Variants in UBR4 observed in about 807,000 individuals in gnomAD.
The protein encoded by UBR4 is ubiquitin protein ligase E3 component n-recognin 4.
A neutral mutation model predicts 575.6 loss-of-function variants in UBR4; 124 were observed. That is an observed-to-expected ratio of 0.22 (90% confidence interval 0.19 to 0.25). The LOEUF (loss-of-function observed/expected upper bound fraction) is 0.25, where lower values mean the gene tolerates loss of function less well. Ranked by LOEUF, UBR4 falls within the 10% of genes least tolerant of loss-of-function variation. UBR4 has a pLI of 1.00. For synonymous variants in UBR4, 2,455 were observed against 2,473.7 expected (o/e 0.99, Z 0.22); for missense variants, 4,818 against 6,478.8 (o/e 0.74, Z 8.80).
chr1:19,086,041 A>T, intron 101 of UBR4, 104 bp downstream of exon 101: 1 of 1,458,308 alleles, frequency 6.9e-7, no homozygotes, highest in Non-Finnish European at 9.2e-7. Flanking sequence ...TTCCCAAGGA[A>T]GGTAACAGGA....
chr1:19,149,641 G>A (rs1239341202), intron 49 of UBR4: 2 of 912,416 alleles, frequency 2.2e-6, no homozygotes, highest in Admixed American at 3.4e-5. Flanking sequence ...GCAATGACCA[G>A]AACAGAAAGA....
Position 19,119,585 on chromosome 1 carries a change from G to T in UBR4, c.10427C>A (p.Ser3476Tyr), listed in dbSNP as rs757594577. Residue 3476 changes from serine to tyrosine, a missense_variant, in exon 70 of 106, where the codon TCC (serine) becomes TAC (tyrosine). By Grantham distance (144) the Ser-to-Tyr change is moderately radical. Around this residue, in one of 29 missense-constraint regions of UBR4, gnomAD observed 550 missense variants for 791.5 expected, o/e 0.69. Coordinates refer to ENST00000375254, the MANE Select transcript of UBR4 (RefSeq NM_020765.3). ...AQFVDLLGYFSLKTPQTEKKL... is the reference protein window; with the variant it reads ...AQFVDLLGYFYLKTPQTEKKL... ...CTTCTCTGTTTGTGGAGTTTTCAGG[G>T]AGAAATATCCTAGTAGGTCCACAAA... 6.2e-7 allele frequency: 1 copy of T among 1,613,706 alleles called. No individual in the cohort carries two copies. The highest frequency in any genetic ancestry group is 1.1e-5 in the South Asian group (1 of 91,066).
intron 14 of UBR4, among the ~76,000 whole-genome samples, chr1:19,185,573 C>CTTTTTTT (rs3068081): frequency 1.6e-4 from 20 of 128,596 alleles, no homozygotes; most frequent in African/African-American, 2.7e-4. Flanking sequence ...TTTCTTTTTT[C>CTTTTTTT]TTTTTTTTTT....
intron 14 of UBR4, among the ~76,000 whole-genome samples, chr1:19,185,967 C>T (rs1344924173): frequency 6.6e-6 from 1 of 152,116 alleles, no homozygotes; most frequent in African/African-American, 2.4e-5. Context: ...TTATACTTGC[C>T]TTATCAACCA....
Position 19,173,186 on chromosome 1 carries a change from G to C in UBR4, c.3286C>G (p.Arg1096Gly). Reference sequence around the variant, plus strand: ...TAGGTTCCAATATTACATACCTGTCGAGCGAAGTATTCCTCTACTATTTCA... The same window carrying C: ...TAGGTTCCAATATTACATACCTGTCCAGCGAAGTATTCCTCTACTATTTCA... ...DVEIVEEYFA[R>G]QISSFCSIDC... The change falls in exon 24 of 106, where the codon CGA becomes GGA. Residue 1096 changes from arginine to glycine, a missense_variant. Transcript: ENST00000375254. 1 of 1,614,090 alleles carries C rather than the reference G, an allele frequency of 6.2e-7. No individual in the cohort carries two copies. The highest frequency in any genetic ancestry group is 8.5e-7 in the Non-Finnish European group (1 of 1,180,024).
rs773264916 is a variant in UBR4, at chr1:19,105,735, G to A, written c.12501C>T (p.Thr4167=). 6.3e-7 allele frequency: 1 copy of A among 1,588,872 alleles called. No individual in the cohort carries two copies. Among genetic ancestry groups the A allele is most frequent in the Non-Finnish European group, 8.5e-7 (1 of 1,171,112 alleles). ...CTCATCCCACTCCCAAATGGTACCT[G>A]GTAAGCAGGTCCAGGACCTGCTGCT... ...SRKQQVLDLL[T]SYLDELSIAG... is the part of the protein sequence containing the mutation. The change falls in exon 84 of 106, where the codon ACC becomes ACT. Residue 4167 remains threonine (T), a splice_region_variant and synonymous_variant. Coordinates refer to ENST00000375254, the MANE Select transcript of UBR4 (RefSeq NM_020765.3).
intron 83 of UBR4, 52 bp downstream of exon 83, chr1:19,106,517 G>C (rs2079216414): frequency 6.6e-7 from 1 of 1,505,664 alleles, no homozygotes; most frequent in African/African-American, 1.4e-5. Context: ...ATATTGCTCA[G>C]AGTCTGGGGT....
intron 32 of UBR4, 22 bp downstream of exon 32, chr1:19,164,777 G>A (rs752338046): frequency 6.8e-6 from 11 of 1,609,506 alleles, no homozygotes; most frequent in African/African-American, 5.3e-5. Context: ...AGGGAAACAC[G>A]ACAGAAATGT....
intron 62 of UBR4, 100 bp downstream of exon 62, chr1:19,128,111 C>T (rs2082022296): frequency 7.9e-6 from 9 of 1,134,910 alleles, no homozygotes; most frequent in Non-Finnish European, 1.2e-5. Context: ...GGATGGTTAC[C>T]CCTTGAAACG....
chr1:19,094,549 T>C (rs1005062324), intron 94 of UBR4, among the ~76,000 whole-genome samples: 1 of 152,166 alleles, frequency 6.6e-6, no homozygotes, highest in African/African-American at 2.4e-5. Flanking sequence ...TAACCAACTA[T>C]GTACCACAGC....
Position 19,167,054 on chromosome 1 carries a change from G to A in UBR4, c.4077C>T (p.Tyr1359=), listed in dbSNP as rs142886531. ...RVYEKLITGC[Y]NILANHADPN... ...GATCTGCATGATTGGCCAGAATGTT[G>A]TAACAACCAGTGATCAGCTTCTCAT... is the stretch of plus-strand genomic sequence containing the variant. Residue 1359 remains tyrosine, a synonymous_variant, in exon 29 of 106, where the codon TAC becomes TAT. Coordinates refer to ENST00000375254, the MANE Select transcript of UBR4 (RefSeq NM_020765.3). The A allele has an allele frequency of 7.2e-5, 116 of 1,614,066 alleles. No individual in the cohort carries two copies. The highest frequency in any genetic ancestry group is 9.7e-5 in the Non-Finnish European group (115 of 1,180,034).
In UBR4 at chr1:19,081,112, G is replaced by A. The variant is rs181577314; in HGVS notation, c.15233+237C>T. 1.4e-3 allele frequency: 656 copies of A among 461,074 alleles called. 2 individuals carry two copies. The highest frequency in any genetic ancestry group is 2.2e-3 in the Non-Finnish European group (582 of 259,028). The allele number at this position is 461,074 out of a possible 1,614,324, so 28.6% of individuals were successfully genotyped here. A position where few individuals can be genotyped will look rare whatever the true frequency, so the allele number is the denominator to read the frequency against. On this transcript the variant is annotated intron_variant, in intron 103 of 105. Transcript: ENST00000375254. The stretch of plus-strand genomic sequence containing the variant: ...GGCTGCCTTCCTAACATTTTCTACA[G>A]TAGGTAAGACTGGCTCTACCTTTCT...
At position 19,110,375 on chromosome 1, in the gene UBR4, C is replaced by A. The variant is rs2079706096; in HGVS notation, c.11977+5G>T. ...TTTCCTTTCTCTGAAAATCCCCTAA[C>A]TCACCACAGCGTAACCGGAGCTCCC... On this transcript the variant is annotated splice_donor_5th_base_variant and intron_variant, in intron 80 of 105. Transcript: ENST00000375254. The surrounding 1 kb of genome is among the most constrained non-coding windows in gnomAD (Gnocchi z 4.5). 1 of 1,614,132 alleles carries A rather than the reference C, an allele frequency of 6.2e-7. No individual in the cohort carries two copies. Among genetic ancestry groups the A allele is most frequent in the Non-Finnish European group, 8.5e-7 (1 of 1,179,984 alleles).
At chr1:19,184,666 C>T (rs756832958) in intron 15 of UBR4, among the ~76,000 whole-genome samples, 7 of 152,160 alleles carry the variant, frequency 4.6e-5, no homozygotes, top group Non-Finnish European at 1.0e-4. Context: ...GACTCACTCA[C>T]ATCATCAGAA....
chr1:19,199,122 T>G (rs1421927158), intron 3 of UBR4, among the ~76,000 whole-genome samples, 194 bp from the exon 4 acceptor site: 1 of 152,222 alleles, frequency 6.6e-6, no homozygotes, highest in Non-Finnish European at 1.5e-5. Flanking sequence ...ACAATATTTT[T>G]TTAAAATTTG....
At chr1:19,095,860 A>G (rs753629318) in intron 92 of UBR4, 31 of 520,182 alleles carry the variant, frequency 6.0e-5, no homozygotes, top group Non-Finnish European at 9.8e-5. Context: ...ATGGCGGGAT[A>G]TATCTCTACC....
intron 1 of UBR4, among the ~76,000 whole-genome samples, chr1:19,208,827 C>T (rs1326758079): frequency 1.3e-5 from 2 of 152,204 alleles, no homozygotes; most frequent in Non-Finnish European, 2.9e-5. Flanking sequence ...TGGAACGTTA[C>T]TGATTCTACG....
In UBR4 at chr1:19,197,943, T is replaced by C; in HGVS notation, c.751+4A>G. On this transcript the variant is annotated splice_donor_region_variant and intron_variant, in intron 6 of 105. Transcript: ENST00000375254. ...AGCTTTCTGATAACAGTTGGGAGTC[T>C]TACCAAGCTCTTGAAGACTAGCCAC... 1 of 1,614,122 alleles carries C rather than the reference T, an allele frequency of 6.2e-7. No individual in the cohort carries two copies. The highest frequency in any genetic ancestry group is 1.7e-5 in the Admixed American group (1 of 60,024).
intron 11 of UBR4, among the ~76,000 whole-genome samples, chr1:19,190,312 A>AAAAAAAAAATATATATATATATAT: frequency 2.5e-5 from 2 of 79,908 alleles, no homozygotes; most frequent in African/African-American, 5.3e-5. Flanking sequence ...AAAAAAAAAA[A>AAAAAAAAAATATATATATATATAT]ATATATATAT....
Sources: allele counts gnomAD v4.1 joint callset (sites outside exome capture counted in the v4.1 genomes callset), GRCh38; gene constraint gnomAD v4.1.1; regional missense constraint gnomAD v4.1.1; non-coding constraint Gnocchi (gnomAD v3.1); transcripts MANE v1.5; gene names NCBI Gene and HGNC (gene_info 2026-07-23, HGNC 2026-07-21).